The following NBEA variants were observed in gnomAD, a reference collection of about 807,000 sequenced individuals.
The protein encoded by NBEA is neurobeachin.
NBEA carries 44 observed loss-of-function variants against 343.4 expected under a neutral mutation model. That is an observed-to-expected ratio of 0.13 (90% CI 0.10 to 0.16). The LOEUF is 0.16. NBEA is among the 10% of genes least tolerant of loss of function. NBEA has a pLI of 1.00. For synonymous variants in NBEA, 1,175 were observed against 1,238.7 expected (o/e 0.95, Z 1.08); for missense variants, 2,555 against 3,631.3 (o/e 0.70, Z 7.62).
At chr13:34,991,529 G>A (rs1054536214) in intron 1 of NBEA, among the ~76,000 whole-genome samples, 1 of 152,092 alleles carries the variant, frequency 6.6e-6, no homozygotes, top group African/African-American at 2.4e-5. Flanking sequence ...GAACAGCCAA[G>A]GGGAAGTCCA....
intron 36 of NBEA, among the ~76,000 whole-genome samples, chr13:35,334,130 C>T (rs2039099868): frequency 6.6e-6 from 1 of 152,104 alleles, no homozygotes; most frequent in Non-Finnish European, 1.5e-5. Flanking sequence ...AAGCATTCTT[C>T]TTACTGGGTT....
intron 31 of NBEA, among the ~76,000 whole-genome samples, chr13:35,207,684 G>C (rs776400807): frequency 3.3e-5 from 5 of 151,882 alleles, no homozygotes; most frequent in African/African-American, 1.2e-4. Context: ...TTTAAAATAC[G>C]CTAAAGAAAC....
At chr13:35,315,812 G>C (rs1054233064) in intron 36 of NBEA, among the ~76,000 whole-genome samples, 8 of 152,062 alleles carry the variant, frequency 5.3e-5, no homozygotes, top group African/African-American at 1.9e-4. Context: ...GCACCAATTT[G>C]AATGTATTCT....
At chr13:35,468,474 T>C (rs550562353) in intron 40 of NBEA, among the ~76,000 whole-genome samples, 62 of 152,360 alleles carry the variant, frequency 4.1e-4, no homozygotes, top group African/African-American at 1.4e-3. Context: ...TACATACATT[T>C]AGTCTTCCTT....
chr13:35,215,310 CTT>C (rs2074004881), intron 33 of NBEA, among the ~76,000 whole-genome samples: 1 of 151,280 alleles, frequency 6.6e-6, no homozygotes, highest in Non-Finnish European at 1.5e-5. Flanking sequence ...TTTTCAGCAA[CTT>C]ATTGTAGTTT....
At chr13:35,634,137 G>C (rs2083592448) in intron 49 of NBEA, among the ~76,000 whole-genome samples, 1 of 152,172 alleles carries the variant, frequency 6.6e-6, no homozygotes, top group South Asian at 2.1e-4. Context: ...GAGGTCAGGA[G>C]ATTGAGACTA....
intron 1 of NBEA, among the ~76,000 whole-genome samples, chr13:34,990,203 C>T (rs565151575): frequency 6.6e-6 from 1 of 151,076 alleles, no homozygotes; most frequent in South Asian, 2.1e-4. Flanking sequence ...TTTTTTCTCA[C>T]AACTCCACTA....
chr13:35,618,394 C>A (rs1022985305), intron 48 of NBEA, among the ~76,000 whole-genome samples: 1 of 152,214 alleles, frequency 6.6e-6, no homozygotes, highest in East Asian at 1.9e-4. Flanking sequence ...GCAGACTTTA[C>A]ATGTCTACAA....
At chr13:35,293,242 A>T (rs532381406) in intron 35 of NBEA, among the ~76,000 whole-genome samples, 1 of 151,752 alleles carries the variant, frequency 6.6e-6, no homozygotes, top group Non-Finnish European at 1.5e-5. Context: ...CATCCAGTCT[A>T]CCCCCCAATG....
chr13:35,424,781 G>C (rs1208926697), intron 38 of NBEA, among the ~76,000 whole-genome samples: 2 of 152,078 alleles, frequency 1.3e-5, no homozygotes, highest in Admixed American at 1.3e-4. Flanking sequence ...TCTGGTCCTG[G>C]ACTTTTTTTT....
At chr13:35,441,865 G>A (rs1338323550) in intron 39 of NBEA, among the ~76,000 whole-genome samples, 1 of 148,404 alleles carries the variant, frequency 6.7e-6, no homozygotes. Flanking sequence ...CTGAGGTAAT[G>A]TCACTTACTG....
At chr13:35,325,459 A>C (rs1421916933) in intron 36 of NBEA, among the ~76,000 whole-genome samples, 1 of 152,054 alleles carries the variant, frequency 6.6e-6, no homozygotes, top group Non-Finnish European at 1.5e-5. Context: ...ATATACTGAA[A>C]GTCTTCCAGA....
At position 35,649,704 on chromosome 13, in the gene NBEA, A is replaced by T. The variant is rs2084422567; in HGVS notation, c.7820A>T (p.Asp2607Val). 6.2e-7 allele frequency: 1 copy of T among 1,613,824 alleles called. No individual in the cohort carries two copies. The highest frequency in any genetic ancestry group is 1.3e-5 in the African/African-American group (1 of 74,900). The change falls in exon 52 of 59, where the codon GAT (aspartate) becomes GTT (valine). Residue 2607 changes from aspartate to valine, a missense_variant. This residue lies in a region of NBEA where 61 missense variants were observed against 132.1 expected (regional missense o/e 0.46). Coordinates refer to ENST00000379939, the MANE Select transcript of NBEA (RefSeq NM_001385012.1). Reference protein sequence around the residue: ...PLMFKDQMQQDVIMVLKFPSN... With the variant: ...PLMFKDQMQQVVIMVLKFPSN... ...ATGTTTAAAGATCAGATGCAACAGG[A>T]TGTGATAATGGTGCTGAAGTTTCCT...
At chr13:35,031,089 A>G (rs2062197553) in intron 1 of NBEA, among the ~76,000 whole-genome samples, 2 of 151,636 alleles carry the variant, frequency 1.3e-5, no homozygotes, top group Admixed American at 1.3e-4. Flanking sequence ...CTACAATTCA[A>G]GTGTATACCC....
At chr13:35,320,085 CCATTTAA>C (rs1293337740) in intron 36 of NBEA, among the ~76,000 whole-genome samples, 1 of 152,006 alleles carries the variant, frequency 6.6e-6, no homozygotes, top group African/African-American at 2.4e-5. Flanking sequence ...GGCATTTAGC[CCATTTAA>C]CATTTAAGGT....
chr13:35,552,398 G>A (rs1019439112), intron 43 of NBEA, among the ~76,000 whole-genome samples: 1 of 149,330 alleles, frequency 6.7e-6, no homozygotes, highest in African/African-American at 2.4e-5. Context: ...CAAGATATTT[G>A]CTAGTAGAAT....
chr13:34,954,733 A>T (rs146974012), intron 1 of NBEA, among the ~76,000 whole-genome samples: 1 of 152,312 alleles, frequency 6.6e-6, no homozygotes, highest in East Asian at 1.9e-4. Flanking sequence ...ATATACTTCA[A>T]ATCATCTCCA....
intron 10 of NBEA, among the ~76,000 whole-genome samples, chr13:35,092,085 CAG>C (rs2065112536): frequency 1.3e-5 from 2 of 151,866 alleles, no homozygotes; most frequent in South Asian, 4.1e-4. Context: ...ATCAGTGAAA[CAG>C]AATAGAGTCC....
At chr13:35,406,439 C>T (rs975695080) in intron 38 of NBEA, among the ~76,000 whole-genome samples, 8 of 151,996 alleles carry the variant, frequency 5.3e-5, no homozygotes, top group African/African-American at 7.2e-5. Context: ...CAATTTGTAG[C>T]GTTTTATCCC....
Sources: allele counts gnomAD v4.1 joint callset (sites outside exome capture counted in the v4.1 genomes callset), GRCh38; gene constraint gnomAD v4.1.1; regional missense constraint gnomAD v4.1.1; transcripts MANE v1.5; gene names NCBI Gene and HGNC (gene_info 2026-07-23, HGNC 2026-07-21).